FGGY: variants seen among roughly 807,000 people sequenced by gnomAD.
FGGY encodes FGGY carbohydrate kinase domain containing.
FGGY carries 72 observed loss-of-function variants against 71.3 expected under a neutral mutation model. The observed-to-expected ratio is 1.01, with a 90% confidence interval of 0.84 to 1.23. The LOEUF is 1.23. Among genes scored for constraint, FGGY ranks in the 50% most tolerant of loss-of-function variants. FGGY has a pLI of 0.00. For missense variants in FGGY, 668 were observed against 682.3 expected, an observed-to-expected ratio of 0.98 and a Z score of 0.23; for synonymous variants, 251 against 250.3, an observed-to-expected ratio of 1.00 and a Z score of -0.02.
intron 5 of FGGY, among the ~76,000 whole-genome samples, chr1:59,432,466 C>T (rs958000748): frequency 2.0e-5 from 3 of 150,974 alleles, no homozygotes; most frequent in African/African-American, 7.4e-5. Context: ...GTGTGATCTG[C>T]CCTTACTCCA....
intron 6 of FGGY, among the ~76,000 whole-genome samples, chr1:59,482,336 C>G (rs2093502219): frequency 6.6e-6 from 1 of 151,986 alleles, no homozygotes; most frequent in Non-Finnish European, 1.5e-5. Context: ...CAGACACAAA[C>G]CTAAAATGAA....
rs114917486 is a variant in FGGY, at chr1:59,320,683, C to T, written c.-14-853C>T. Reference sequence around the variant, plus strand: ...TAACTAATTGCTGATCTTGTCTCCTCGGGGTTCCTTCCCAATTCCCAGTCA... The same window carrying T: ...TAACTAATTGCTGATCTTGTCTCCTTGGGGTTCCTTCCCAATTCCCAGTCA... On this transcript the variant is annotated intron_variant, in intron 1 of 15. Transcript: ENST00000303721. Among the ~76,000 whole-genome samples the T allele has an allele frequency of 3.0e-3, 451 of 152,300 alleles. 2 individuals are homozygous for T. The highest frequency in any genetic ancestry group is 0.01 in the African/African-American group (416 of 41,544).
At chr1:59,570,789 C>T (rs766037777) in intron 8 of FGGY, among the ~76,000 whole-genome samples, 1 of 152,262 alleles carries the variant, frequency 6.6e-6, no homozygotes, top group Non-Finnish European at 1.5e-5. Context: ...CCCAGCCCTT[C>T]CTTGAGCCTG....
chr1:59,592,466 G>A (rs376602438), intron 8 of FGGY, among the ~76,000 whole-genome samples: 181 of 151,992 alleles, frequency 1.2e-3, no homozygotes, highest in African/African-American at 4.2e-3. Context: ...AATCATGCTG[G>A]TATAAAGACA....
chr1:59,538,834 G>GACCA (rs2095386580), intron 7 of FGGY, among the ~76,000 whole-genome samples: 1 of 130,068 alleles, frequency 7.7e-6, no homozygotes, highest in East Asian at 2.7e-4. Flanking sequence ...ATCACACTTT[G>GACCA]GGGACTGTTG....
At chr1:59,642,430 G>A (rs1443139356) in intron 11 of FGGY, among the ~76,000 whole-genome samples, 5 of 151,080 alleles carry the variant, frequency 3.3e-5, no homozygotes, top group African/African-American at 4.9e-5. Flanking sequence ...TTCGAGACCA[G>A]CCTGACCAAC....
At chr1:59,316,465 C>T (rs1179335400) in intron 1 of FGGY, 1 of 152,180 alleles carries the variant, frequency 6.6e-6, no homozygotes, top group Non-Finnish European at 1.5e-5. Flanking sequence ...GTATTTGTAG[C>T]TTGTACCCCC....
rs576626965 is a variant in FGGY, at chr1:59,424,408, G to A, written c.555-32553G>A. Among the ~76,000 whole-genome samples, 58 of 152,234 alleles carry A rather than the reference G, an allele frequency of 3.8e-4. 3 individuals carry two copies. The South Asian group carries it at 0.012, about 30-fold the overall frequency. ...TTAAAAATACAAAAATTAGCTGGAC[G>A]TGGTGGCACACGCCTGTAATTCCAG... On this transcript the variant is annotated intron_variant, in intron 5 of 15. Coordinates refer to ENST00000303721, the MANE Select transcript of FGGY (RefSeq NM_018291.5).
intron 10 of FGGY, among the ~76,000 whole-genome samples, chr1:59,630,637 T>G (rs2096899973): frequency 6.6e-6 from 1 of 152,238 alleles, no homozygotes; most frequent in African/African-American, 2.4e-5. Context: ...AGTTTTGCAA[T>G]GACATACTCT....
At chr1:59,550,879 G>A (rs1305384545) in intron 7 of FGGY, among the ~76,000 whole-genome samples, 2 of 152,144 alleles carry the variant, frequency 1.3e-5, no homozygotes, top group East Asian at 3.9e-4. Context: ...AAATCCATGT[G>A]GCCTTGGGCA....
chr1:59,387,092 G>A (rs1488139079), intron 5 of FGGY, among the ~76,000 whole-genome samples: 2 of 151,956 alleles, frequency 1.3e-5, no homozygotes, highest in African/African-American at 2.4e-5. Context: ...GGATATTATT[G>A]TATTGTTATT....
intron 4 of FGGY, among the ~76,000 whole-genome samples, chr1:59,367,474 T>C (rs1362548735): frequency 1.3e-5 from 2 of 152,258 alleles, no homozygotes; most frequent in Non-Finnish European, 2.9e-5. Flanking sequence ...ACTTGGAATG[T>C]ACAGGCAGTA....
intron 5 of FGGY, among the ~76,000 whole-genome samples, chr1:59,387,229 A>G (rs1020359633): frequency 6.6e-6 from 1 of 151,638 alleles, no homozygotes; most frequent in Non-Finnish European, 1.5e-5. Context: ...TATTCTACTG[A>G]TTTTTCTTTT....
At chr1:59,602,794 T>C (rs918995951) in intron 8 of FGGY, among the ~76,000 whole-genome samples, 5 of 152,226 alleles carry the variant, frequency 3.3e-5, no homozygotes, top group African/African-American at 7.2e-5. Context: ...TCCTTTGGGC[T>C]CGTACTGCAC....
intron 4 of FGGY, among the ~76,000 whole-genome samples, chr1:59,357,698 C>T (rs994556488): frequency 6.6e-6 from 1 of 152,150 alleles, no homozygotes; most frequent in African/African-American, 2.4e-5. Context: ...CTTTTCATAC[C>T]TTACTGTTTT....
intron 14 of FGGY, among the ~76,000 whole-genome samples, chr1:59,698,392 C>G (rs913686156): frequency 6.6e-6 from 1 of 152,112 alleles, no homozygotes; most frequent in African/African-American, 2.4e-5. Context: ...TGGTCAGTAC[C>G]TAGCATTATG....
chr1:59,375,314 C>T (rs951929281), intron 4 of FGGY, among the ~76,000 whole-genome samples: 6 of 151,524 alleles, frequency 4.0e-5, no homozygotes, highest in Non-Finnish European at 5.9e-5. Context: ...GCATGGGATC[C>T]TCACAGATGC....
intron 2 of FGGY, chr1:59,331,860 G>A (rs1053098273): frequency 6.6e-6 from 1 of 152,262 alleles, no homozygotes; most frequent in African/African-American, 2.4e-5. Flanking sequence ...TGGAGCCTGA[G>A]GGAACTGGTG....
At chr1:59,693,298 T>A (rs1237704788) in intron 14 of FGGY, among the ~76,000 whole-genome samples, 1 of 152,248 alleles carries the variant, frequency 6.6e-6, no homozygotes, top group East Asian at 1.9e-4. Flanking sequence ...GCCTCAGTTT[T>A]CTATCAGTAA....
Sources: allele counts gnomAD v4.1 joint callset (sites outside exome capture counted in the v4.1 genomes callset), GRCh38; gene constraint gnomAD v4.1.1; transcripts MANE v1.5; gene names NCBI Gene and HGNC (gene_info 2026-07-23, HGNC 2026-07-21).